The following LTA4H variants were observed in gnomAD, a reference collection of about 807,000 sequenced individuals.
The protein encoded by LTA4H is leukotriene A-4 hydrolase.
Under a neutral mutation model 89.8 loss-of-function variants are expected in LTA4H, and 59 were observed. That is an observed-to-expected ratio of 0.66 (90% CI 0.53 to 0.82). LTA4H has a LOEUF of 0.82. Among genes scored for constraint, LTA4H ranks in the 40% least tolerant of loss-of-function variants. The pLI, the probability that LTA4H is intolerant of heterozygous loss-of-function variation, is 0.00. For synonymous variants in LTA4H, 227 were observed against 253.1 expected (o/e 0.90, Z 0.98); for missense variants, 617 against 727.0 (o/e 0.85, Z 1.74).
At chr12:96,039,175 A>G (rs1353070704), upstream of LTA4H, among the ~76,000 whole-genome samples, 1 of 152,158 alleles carries the variant, frequency 6.6e-6, no homozygotes, top group Admixed American at 6.5e-5. Context: ...GCTTGAGCCC[A>G]GGAGTTTGAG....
intron 16 of LTA4H, among the ~76,000 whole-genome samples, chr12:96,004,957 T>C (rs1194941073): frequency 2.6e-5 from 4 of 152,160 alleles, no homozygotes; most frequent in African/African-American, 4.8e-5. Flanking sequence ...GCACTAAAAA[T>C]AGATTCTCTC....
At chr12:96,037,743 G>A (rs1356860571), upstream of LTA4H, among the ~76,000 whole-genome samples, 2 of 147,108 alleles carry the variant, frequency 1.4e-5, no homozygotes, top group East Asian at 4.3e-4. Flanking sequence ...GCCTAGGCTG[G>A]AGTGCAGTGG....
intron 1 of LTA4H, among the ~76,000 whole-genome samples, chr12:96,041,661 A>T (rs532721734): frequency 6.6e-6 from 1 of 152,214 alleles, no homozygotes; most frequent in East Asian, 1.9e-4. Flanking sequence ...GTTGTTTTTG[A>T]GGCAAAGTCT....
chr12:96,006,988 T>A (rs1592867916), intron 15 of LTA4H, among the ~76,000 whole-genome samples: 1 of 152,178 alleles, frequency 6.6e-6, no homozygotes, highest in African/African-American at 2.4e-5. Flanking sequence ...TAAGGATTTT[T>A]AAATCTTTTA....
chr12:96,002,322 G>T (rs946994051), intron 18 of LTA4H, among the ~76,000 whole-genome samples: 1 of 152,056 alleles, frequency 6.6e-6, no homozygotes, highest in African/African-American at 2.4e-5. Flanking sequence ...GATATTATAT[G>T]GCCATCACTT....
chr12:96,024,630 T>C (rs1950492775), intron 3 of LTA4H, 83 bp from the exon 4 acceptor site: 2 of 864,268 alleles, frequency 2.3e-6, no homozygotes, highest in Non-Finnish European at 3.8e-6. Context: ...GCAGCATTGT[T>C]CTTAGACATT....
chr12:96,039,597 G>C (rs2540485), upstream of LTA4H, among the ~76,000 whole-genome samples: 6,516 of 152,184 alleles, frequency 0.043, 184 homozygotes, highest in Middle Eastern at 0.075. Context: ...TCCTTGTTGT[G>C]TTAGCAAGAG....
chr12:96,039,814 C>G (rs1354930200), upstream of LTA4H, among the ~76,000 whole-genome samples: 1 of 152,222 alleles, frequency 6.6e-6, no homozygotes, highest in African/African-American at 2.4e-5. Flanking sequence ...TTTACATATA[C>G]CTTTCCTTTC....
At chr12:96,018,116 A>G (rs1950403199) in intron 8 of LTA4H, among the ~76,000 whole-genome samples, 1 of 152,108 alleles carries the variant, frequency 6.6e-6, no homozygotes, top group Non-Finnish European at 1.5e-5. Flanking sequence ...CTACACACCA[A>G]GTGTAATTGG....
intron 10 of LTA4H, among the ~76,000 whole-genome samples, chr12:96,016,207 G>A (rs558194607): frequency 3.3e-5 from 5 of 151,370 alleles, no homozygotes; most frequent in South Asian, 4.2e-4. Flanking sequence ...CCAGATACTC[G>A]GGAGGCTAAG....
Position 96,022,188 on chromosome 12 carries a change from G to T in LTA4H, c.544C>A (p.Pro182Thr). The T allele has an allele frequency of 6.2e-7, 1 of 1,613,794 alleles. No individual in the cohort carries two copies. The highest frequency in any genetic ancestry group is 8.5e-7 in the Non-Finnish European group (1 of 1,179,864). ...SAIRDGETPD[P>T]EDPSRKIYKF... ...TATATTTTCCTGCTTGGGTCTTCTGGGTCAGGTGTTTCTCCATCACGAATA... is the reference window on the plus strand; with the variant it reads ...TATATTTTCCTGCTTGGGTCTTCTGTGTCAGGTGTTTCTCCATCACGAATA... The change falls in exon 5 of 19, where the codon CCA becomes ACA. Residue 182 changes from proline to threonine, a missense_variant. By Grantham distance (38) the Pro-to-Thr change is conservative (BLOSUM62 -1). Around this residue, in one of 3 missense-constraint regions of LTA4H, gnomAD observed 172 missense variants for 244.5 expected, o/e 0.70. Transcript: ENST00000228740. The surrounding 1 kb of genome is among the most constrained non-coding windows in gnomAD (Gnocchi z 4.0).
chr12:96,039,139 C>T (rs941188383), upstream of LTA4H, among the ~76,000 whole-genome samples: 3 of 151,994 alleles, frequency 2.0e-5, no homozygotes, highest in African/African-American at 4.8e-5. Context: ...AATCCCAGCA[C>T]TTTGGGAAGC....
rs376841560 is a variant in LTA4H, at chr12:96,022,129, T to C, written c.585+18A>G. On this transcript the variant is annotated intron_variant, in intron 5 of 18. Transcript: ENST00000228740. The surrounding 1 kb of genome is among the most constrained non-coding windows in gnomAD (Gnocchi z 4.0). ...TTTACCGCCAATGAAAACAAAAATC[T>C]AGACCCTAGGATCTTACTTTTTGGA... 13 of 1,570,406 alleles carry C rather than the reference T, an allele frequency of 8.3e-6. No individual in the cohort carries two copies. Among genetic ancestry groups the C allele is most frequent in the Middle Eastern group, 3.3e-4 (2 of 6,004 alleles).
intron 1 of LTA4H, among the ~76,000 whole-genome samples, chr12:96,034,977 A>G (rs1219072748): frequency 6.6e-6 from 1 of 152,232 alleles, no homozygotes; most frequent in Admixed American, 6.5e-5. Flanking sequence ...TGGAGTAATT[A>G]GAGCCAGGAA....
chr12:96,041,065 A>G (rs982859420), intron 1 of LTA4H, among the ~76,000 whole-genome samples: 2 of 152,130 alleles, frequency 1.3e-5, no homozygotes, highest in Non-Finnish European at 2.9e-5. Flanking sequence ...CAAATACTAG[A>G]ATTTTTGGCA....
chr12:96,007,865 T>G (rs191561820), intron 15 of LTA4H, among the ~76,000 whole-genome samples: 102 of 152,368 alleles, frequency 6.7e-4, no homozygotes, highest in African/African-American at 2.3e-3. Context: ...CTTTTCTTCA[T>G]GACAAGTTTG....
chr12:96,035,262 C>A (rs1039874599), intron 1 of LTA4H, 99 bp downstream of exon 1: 110 of 1,303,372 alleles, frequency 8.4e-5, no homozygotes, highest in Admixed American at 4.8e-5. Context: ...AGGCAGGGGC[C>A]GCGGCGGGGT....
upstream of LTA4H, among the ~76,000 whole-genome samples, chr12:96,039,255 A>C (rs1468944535): frequency 1.3e-5 from 2 of 152,186 alleles, no homozygotes; most frequent in Non-Finnish European, 2.9e-5. Flanking sequence ...AAAGAAGGGT[A>C]ATATCAGGGT....
At position 96,029,099 on chromosome 12, in the gene LTA4H, G is replaced by A. The variant is rs769233993; in HGVS notation, c.246C>T (p.Tyr82=). The A allele has an allele frequency of 1.3e-6, 2 of 1,593,674 alleles. No homozygotes were observed. Among genetic ancestry groups the A allele is most frequent in the Non-Finnish European group, 1.7e-6 (2 of 1,169,752 alleles). Residue 82 remains tyrosine (Y), a synonymous_variant, in exon 2 of 19, where the codon TAC becomes TAT. Transcript: ENST00000228740. The stretch of plus-strand genomic sequence containing the variant: ...GAGAGATTTCCATTGGCGATCCCTT[G>A]TAACTTTGTCTTTCTCCAAGAGCAT... ...VKYALGERQS[Y]KGSPMEISLP... is the part of the protein sequence containing the mutation.
Sources: gnomAD v4.1 joint callset for allele counts (sites outside exome capture counted in the v4.1 genomes callset) on GRCh38, gnomAD v4.1.1 for gene constraint, gnomAD v4.1.1 regional missense constraint, Gnocchi (gnomAD v3.1) non-coding constraint, MANE v1.5 for transcripts, NCBI Gene and HGNC (gene_info 2026-07-23, HGNC 2026-07-21) for gene names.